RETSAT: variants seen among roughly 807,000 people sequenced by gnomAD.
The protein encoded by RETSAT is all-trans-retinol 13,14-reductase.
Under a neutral mutation model 61.6 loss-of-function variants are expected in RETSAT, and 35 were observed. The ratio of observed to expected loss-of-function variants is 0.57; its 90% CI spans 0.43 to 0.75. The LOEUF (loss-of-function observed/expected upper bound fraction) is 0.75, where lower values mean the gene tolerates loss of function less well. RETSAT is among the 30% of genes least tolerant of loss of function. The pLI, the probability that RETSAT is intolerant of heterozygous loss-of-function variation, is 0.00. For missense variants in RETSAT, 670 were observed against 759.5 expected (o/e 0.88, Z 1.38); for synonymous variants, 277 against 310.4 (o/e 0.89, Z 1.13).
chr2:85,353,068 TATA>T (rs1191364166), intron 1 of RETSAT, among the ~76,000 whole-genome samples: 2 of 152,220 alleles, frequency 1.3e-5, no homozygotes, highest in East Asian at 3.8e-4. Flanking sequence ...CATGTAAGTA[TATA>T]AGATAAATAC....
rs1683393481 is a variant in RETSAT at position 85,354,413 on chromosome 2, G to C, written c.95C>G (p.Pro32Arg). 8 of 1,614,226 alleles carry C rather than the reference G, an allele frequency of 5.0e-6. No homozygotes were observed. The highest frequency in any genetic ancestry group is 6.8e-6 in the Non-Finnish European group (8 of 1,180,044). ...LGLFSGSSPN[P>R]FSEDVKRPPA... ...GGGCCGTTTGACATCTTCGGAGAAAGGATTCGGGGAGCTGCCAGAGAATAG... is the reference window on the plus strand; with the variant it reads ...GGGCCGTTTGACATCTTCGGAGAAACGATTCGGGGAGCTGCCAGAGAATAG... The change falls in exon 1 of 11, where the codon CCT becomes CGT. Residue 32 changes from proline (P) to arginine (R), a missense_variant. Physicochemically the swap from Pro to Arg is moderately radical, Grantham distance 103. Transcript: ENST00000295802.
intron 10 of RETSAT, 62 bp from the exon 11 acceptor site, chr2:85,343,443 C>T: frequency 6.3e-7 from 1 of 1,578,342 alleles, no homozygotes; most frequent in Non-Finnish European, 8.6e-7. Flanking sequence ...GAGGGTGGGG[C>T]CTTGGTGCTC....
Position 85,346,155 on chromosome 2 carries a change from G to A in RETSAT, c.998-61C>T, listed in dbSNP as rs544596737. On this transcript the variant is annotated intron_variant, in intron 5 of 10. Transcript: ENST00000295802. ...CTCTGGGATGAAGAGAAAGGCCCAC[G>A]GCCCCCATGGATCTCTCTCTGCCTG... is the stretch of plus-strand genomic sequence containing the variant. The A allele has an allele frequency of 2.4e-5, 37 of 1,564,790 alleles. No homozygotes were observed. In the South Asian group the frequency reaches 3.3e-4, roughly 14 times the overall value.
chr2:85,351,417 T>C (rs1683298224), intron 2 of RETSAT: 1 of 468,022 alleles, frequency 2.1e-6, no homozygotes, highest in Non-Finnish European at 3.8e-6. Flanking sequence ...GATTACTGAG[T>C]GTAATCCCAG....
Position 85,343,375 on chromosome 2 carries a change from T to C in RETSAT, c.1700A>G (p.Asp567Gly), listed in dbSNP as rs71337782. The change falls in exon 11 of 11, where the codon GAT becomes GGT. Residue 567 changes from aspartate (D) to glycine (G), a missense_variant. Physicochemically the swap from Asp to Gly is moderately conservative, Grantham distance 94. Coordinates refer to ENST00000295802, the MANE Select transcript of RETSAT (RefSeq NM_017750.4). ...PIPNLYLTGQ[D>G]IFTCGLVGAL... is the part of the protein sequence containing the mutation. Reference sequence around the variant, plus strand: ...CCCGACCAGTCCACAGGTGAAGATATCCTGGCCTAGGAGGCAAGAGCAGAG... The same window carrying C: ...CCCGACCAGTCCACAGGTGAAGATACCCTGGCCTAGGAGGCAAGAGCAGAG... 8.9e-5 allele frequency: 144 copies of C among 1,612,296 alleles called. No homozygotes were observed. The highest frequency in any genetic ancestry group is 1.1e-4 in the Non-Finnish European group (131 of 1,178,958).
At chr2:85,349,667 C>G in intron 4 of RETSAT, 86 bp from the exon 5 acceptor site, 1 of 1,160,086 alleles carries the variant, frequency 8.6e-7, no homozygotes, top group Non-Finnish European at 1.3e-6. Flanking sequence ...TGAGATAACA[C>G]ACAGCCCAGT....
In RETSAT at chr2:85,350,796, T is replaced by C; in HGVS notation, c.581A>G (p.Tyr194Cys). ...CCATGTTACCTTAACCAGCTTTATA[T>C]ACTTGTCAATGATAGCTTCCTCCTG... The part of the protein sequence containing the change: ...FPQEEAIIDK[Y>C]IKLVKVVSSG... The change falls in exon 3 of 11, where the codon TAT becomes TGT. Residue 194 changes from tyrosine (Y) to cysteine (C), a missense_variant. By Grantham distance (194) the Tyr-to-Cys change is radical. Transcript: ENST00000295802. The C allele has an allele frequency of 1.2e-6, 2 of 1,614,242 alleles. No homozygotes were observed. The highest frequency in any genetic ancestry group is 4.5e-5 in the East Asian group (2 of 44,892).
chr2:85,344,773 G>A (rs374311359), intron 6 of RETSAT, 41 bp from the exon 7 acceptor site: 122 of 1,601,696 alleles, frequency 7.6e-5, no homozygotes, highest in Middle Eastern at 1.7e-4. Context: ...GACCATGGCC[G>A]GAGACGGCCA....
In RETSAT at chr2:85,345,992, T is replaced by G; in HGVS notation, c.1100A>C (p.Asn367Thr). The change falls in exon 6 of 11, where the codon AAC becomes ACC. Residue 367 changes from asparagine (N) to threonine (T), a missense_variant. Physicochemically the swap from Asn to Thr is moderately conservative, Grantham distance 65. Transcript: ENST00000295802. ...FNTYEHLLPG[N>T]ARCLPGVKQQ... is the part of the protein sequence containing the mutation. ...CCTTTTACCTGGCAGGCAGCGGGCG[T>G]TCCCCGGCAGTAGGTGTTCATAGGT... 6.2e-7 allele frequency: 1 copy of G among 1,614,174 alleles called. No individual in the cohort carries two copies. The highest frequency in any genetic ancestry group is 1.1e-5 in the South Asian group (1 of 91,090).
rs567611492 is a variant in RETSAT, at chr2:85,344,959, C to T, written c.1118-227G>A. ...TTGTAACCAGACAGTGAGAGGGGGG[C>T]GGGAGGGACAGATGACTGTAGCAGG... is the stretch of plus-strand genomic sequence containing the variant. On this transcript the variant is annotated intron_variant, in intron 6 of 10. Transcript: ENST00000295802. Among the ~76,000 whole-genome samples the T allele has an allele frequency of 4.0e-5, 6 of 151,792 alleles. No homozygotes were observed. The East Asian group carries it at 9.7e-4, about 24-fold the overall frequency.
In RETSAT at chr2:85,342,155, C is replaced by A. The variant is rs1343799348; in HGVS notation, c.*1087G>T. 2.1e-5 allele frequency: 5 copies of A among 234,914 alleles called. No homozygotes were observed. The highest frequency in any genetic ancestry group is 3.3e-5 in the Non-Finnish European group (4 of 120,950). 14.6% of individuals were successfully genotyped at this position (234,914 alleles called of 1,614,324 possible). A position where few individuals can be genotyped will look rare whatever the true frequency, so the allele number is the denominator to read the frequency against. ...TACATTAACACGAACTACAAAGAGA[C>A]CTTTCGTATGTCTGATACCAAAGAC... On this transcript the variant is annotated 3_prime_UTR_variant, in exon 11 of 11. Transcript: ENST00000295802.
Position 85,343,376 on chromosome 2 carries a change from C to A in RETSAT, c.1699G>T (p.Asp567Tyr), listed in dbSNP as rs748224503. Residue 567 changes from aspartate to tyrosine, a missense_variant, in exon 11 of 11, where the codon GAT becomes TAT. Coordinates refer to ENST00000295802, the MANE Select transcript of RETSAT (RefSeq NM_017750.4). ...PIPNLYLTGQ[D>Y]IFTCGLVGAL... ...CCGACCAGTCCACAGGTGAAGATATCCTGGCCTAGGAGGCAAGAGCAGAGG... is the reference window on the plus strand; with the variant it reads ...CCGACCAGTCCACAGGTGAAGATATACTGGCCTAGGAGGCAAGAGCAGAGG... The A allele has an allele frequency of 3.1e-6, 5 of 1,612,534 alleles. No homozygotes were observed. Among genetic ancestry groups the A allele is most frequent in the Non-Finnish European group, 4.2e-6 (5 of 1,179,082 alleles).
intron 7 of RETSAT, 50 bp from the exon 8 acceptor site, chr2:85,344,398 C>T (rs757561599): frequency 6.3e-7 from 1 of 1,588,302 alleles, no homozygotes; most frequent in East Asian, 2.2e-5. Flanking sequence ...GTCCTCAAAA[C>T]CCCAGAACCA....
Position 85,350,822 on chromosome 2 carries a change from T to C in RETSAT, c.555A>G (p.Pro185=), listed in dbSNP as rs1683286473. 2 of 1,614,076 alleles carry C rather than the reference T, an allele frequency of 1.2e-6. No homozygotes were observed. Among genetic ancestry groups the C allele is most frequent in the Non-Finnish European group, 1.7e-6 (2 of 1,180,022 alleles). ...ACTTGTCAATGATAGCTTCCTCCTG[T>C]GGAAACTTCTCCTTGAGGCCCTGAA... ...AYIQGLKEKF[P]QEEAIIDKYI... Residue 185 remains proline (P), a synonymous_variant, in exon 3 of 11, where the codon CCA becomes CCG. Coordinates refer to ENST00000295802, the MANE Select transcript of RETSAT (RefSeq NM_017750.4).
rs1333830257 is a variant in RETSAT at position 85,342,768 on chromosome 2, G to A, written c.*474C>T. The A allele has an allele frequency of 6.5e-6, 1 of 153,848 alleles. No individual in the cohort carries two copies. The highest frequency in any genetic ancestry group is 2.4e-5 in the African/African-American group (1 of 41,242). The allele number at this position is 153,848 out of a possible 1,614,324, so 9.5% of individuals were successfully genotyped here. Reference sequence around the variant, plus strand: ...AACCAAAACCACGCCCAGGTTTTGAGTTAAGCCTCATTAGTCTCCCTTTTC... The same window carrying A: ...AACCAAAACCACGCCCAGGTTTTGAATTAAGCCTCATTAGTCTCCCTTTTC... On this transcript the variant is annotated 3_prime_UTR_variant, in exon 11 of 11. Transcript: ENST00000295802.
At position 85,351,033 on chromosome 2, in the gene RETSAT, T is replaced by C. The variant is rs964690595; in HGVS notation, c.356-12A>G. On this transcript the variant is annotated splice_polypyrimidine_tract_variant and intron_variant, in intron 2 of 10. Coordinates refer to ENST00000295802, the MANE Select transcript of RETSAT (RefSeq NM_017750.4). ...AATGTAATGGATTCCTGTTGGGAGA[T>C]GGAAAAACAAGGTAGTAAAGGGATA... 5 of 1,613,188 alleles carry C rather than the reference T, an allele frequency of 3.1e-6. No homozygotes were observed. In the African/African-American group the frequency reaches 5.4e-5, roughly 17 times the overall value.
In RETSAT at chr2:85,354,430, A is replaced by G; in HGVS notation, c.78T>C (p.Ser26=). The change falls in exon 1 of 11, where the codon TCT becomes TCC. Residue 26 remains serine, a synonymous_variant. Transcript: ENST00000295802. ...VLCKVYLGLF[S]GSSPNPFSED... is the part of the protein sequence containing the mutation. ...CGGAGAAAGGATTCGGGGAGCTGCC[A>G]GAGAATAGTCCCAAGTAAACTTTGC... The G allele has an allele frequency of 6.2e-7, 1 of 1,614,224 alleles. No homozygotes were observed. The highest frequency in any genetic ancestry group is 8.5e-7 in the Non-Finnish European group (1 of 1,180,042).
intron 3 of RETSAT, 45 bp from the exon 4 acceptor site, chr2:85,350,286 T>C: frequency 1.4e-6 from 2 of 1,465,504 alleles, no homozygotes; most frequent in South Asian, 2.3e-5. Flanking sequence ...CTAGAACCGC[T>C]TTGACAGAAC....
chr2:85,344,743 G>A lies in RETSAT; in HGVS notation c.1118-11C>T, dbSNP rs1683160850. On this transcript the variant is annotated splice_polypyrimidine_tract_variant and intron_variant, in intron 6 of 10. Coordinates refer to ENST00000295802, the MANE Select transcript of RETSAT (RefSeq NM_017750.4). Reference sequence around the variant, plus strand: ...GTTGCTGCTTCACACCTGCCAGGGGGAGTGGTTGGTGCCTGTGTGGACCAT... The same window carrying A: ...GTTGCTGCTTCACACCTGCCAGGGGAAGTGGTTGGTGCCTGTGTGGACCAT... The A allele has an allele frequency of 6.2e-7, 1 of 1,613,672 alleles. No homozygotes were observed. The highest frequency in any genetic ancestry group is 1.7e-5 in the Admixed American group (1 of 59,972).
Sources: allele counts gnomAD v4.1 joint callset (sites outside exome capture counted in the v4.1 genomes callset), GRCh38; gene constraint gnomAD v4.1.1; transcripts MANE v1.5; gene names NCBI Gene and HGNC (gene_info 2026-07-23, HGNC 2026-07-21).